CDK18: variants seen among roughly 807,000 people sequenced by gnomAD.
CDK18 encodes cyclin dependent kinase 18.
A neutral mutation model predicts 62.0 loss-of-function variants in CDK18; 52 were observed. The ratio of observed to expected loss-of-function variants is 0.84; its 90% CI spans 0.67 to 1.06. The LOEUF (loss-of-function observed/expected upper bound fraction) is 1.06, where lower values mean the gene tolerates loss of function less well. CDK18 is among the 50% of genes least tolerant of loss of function. CDK18 has a pLI of 0.00. For missense variants in CDK18, 604 were observed against 619.9 expected (o/e 0.97, Z 0.27); for synonymous variants, 237 against 247.0 (o/e 0.96, Z 0.38).
chr1:205,515,232 A>G (rs946286964), intron 1 of CDK18, among the ~76,000 whole-genome samples: 16 of 136,716 alleles, frequency 1.2e-4, no homozygotes, highest in South Asian at 2.3e-4. Flanking sequence ...GCTGGAGTGC[A>G]GTGGCGCCAT....
At chr1:205,522,248 G>T (rs1014123898) in intron 1 of CDK18, among the ~76,000 whole-genome samples, 1 of 152,070 alleles carries the variant, frequency 6.6e-6, no homozygotes, top group Middle Eastern at 3.2e-3. Context: ...AAGCTTTCAT[G>T]GTTGGGGACA....
intron 1 of CDK18, among the ~76,000 whole-genome samples, chr1:205,518,105 C>G (rs1027078349): frequency 2.0e-5 from 3 of 152,192 alleles, no homozygotes; most frequent in African/African-American, 7.2e-5. Flanking sequence ...CTCTGGATTT[C>G]TCCTGAGATG....
intron 1 of CDK18, among the ~76,000 whole-genome samples, chr1:205,521,036 A>G (rs371691794): frequency 3.3e-4 from 50 of 152,266 alleles, no homozygotes; most frequent in African/African-American, 1.2e-3. Context: ...GGGAGTCAGG[A>G]AAGTCCAAGG....
At chr1:205,525,734 G>C (rs916405489) in intron 5 of CDK18, among the ~76,000 whole-genome samples, 18 of 152,354 alleles carry the variant, frequency 1.2e-4, no homozygotes, top group Middle Eastern at 3.4e-3. Flanking sequence ...TTTATAGAGA[G>C]AGGGAACACA....
intron 11 of CDK18, 77 bp downstream of exon 11, chr1:205,529,173 G>A: frequency 3.6e-6 from 5 of 1,403,484 alleles, no homozygotes; most frequent in East Asian, 2.5e-5. Flanking sequence ...GGAGCGGGAC[G>A]GGGAGGAGCG....
chr1:205,507,562 A>G (rs1481841764), intron 1 of CDK18, among the ~76,000 whole-genome samples: 1 of 125,670 alleles, frequency 8.0e-6, no homozygotes. Flanking sequence ...TGAACCCGGG[A>G]GGCGGAGGTT....
chr1:205,523,651 G>C, intron 3 of CDK18, 26 bp downstream of exon 3: 1 of 1,554,512 alleles, frequency 6.4e-7, no homozygotes, highest in South Asian at 1.2e-5. Context: ...GCTCTGCCCC[G>C]GCAGGTGGCA....
In CDK18 at chr1:205,516,084, A is replaced by G. The variant is rs923003493; in HGVS notation, c.-21-7063A>G. ...CACAGCTCCAGGCAGCTAAGGGGTG[A>G]CTGGCTTCCCCTGAGGTTTGTCCCA... On this transcript the variant is annotated intron_variant, in intron 1 of 15. Transcript: ENST00000429964. The surrounding 1 kb of genome is among the most constrained non-coding windows in gnomAD (Gnocchi z 4.8). 2.0e-5 allele frequency among the ~76,000 whole-genome samples: 3 copies of G among 152,156 alleles called. No homozygotes were observed. The highest frequency in any genetic ancestry group is 7.2e-5 in the African/African-American group (3 of 41,442).
At chr1:205,526,301 C>T (rs1296765414) in intron 6 of CDK18, 66 bp from the exon 7 acceptor site, 1 of 1,496,358 alleles carries the variant, frequency 6.7e-7, no homozygotes, top group East Asian at 2.3e-5. Flanking sequence ...TGGCGCTGAC[C>T]CCAAGAAAAG....
At chr1:205,505,995 T>G (rs1667287766) in intron 1 of CDK18, among the ~76,000 whole-genome samples, 1 of 152,166 alleles carries the variant, frequency 6.6e-6, no homozygotes, top group Non-Finnish European at 1.5e-5. Flanking sequence ...CAGCACCCAG[T>G]GAGCTTCGGC....
Position 205,526,805 on chromosome 1 carries a change from T to C in CDK18, c.697T>C (p.Cys233Arg). The C allele has an allele frequency of 6.2e-7, 1 of 1,614,140 alleles. No individual in the cohort carries two copies. The highest frequency in any genetic ancestry group is 8.5e-7 in the Non-Finnish European group (1 of 1,179,974). The change falls in exon 8 of 16, where the codon TGT (cysteine) becomes CGT (arginine). Residue 233 changes from cysteine (C) to arginine (R), a missense_variant. Cys to Arg is a radical substitution (Grantham distance 180, BLOSUM62 -3). Transcript: ENST00000429964. The stretch of plus-strand genomic sequence containing the variant: ...TGACCTGAAGCAGTATCTGGACCAC[T>C]GTGGGAACCTCATGAGCATGCACAA... The part of the protein sequence containing the change: ...DSDLKQYLDH[C>R]GNLMSMHNVK...
chr1:205,529,913 G>A lies in CDK18; in HGVS notation c.1222-346G>A, dbSNP rs1668652658. 3 of 1,385,666 alleles carry A rather than the reference G, an allele frequency of 2.2e-6. No individual in the cohort carries two copies. The Admixed American group carries it at 8.9e-5, about 41-fold the overall frequency. The allele number at this position is 1,385,666 out of a possible 1,614,324, so 85.8% of individuals were successfully genotyped here. Reference sequence around the variant, plus strand: ...ACACACTTAGTGTGGTGCCTGTCTTGTAAGGCACACGATGAAGGGTTGTTA... The same window carrying A: ...ACACACTTAGTGTGGTGCCTGTCTTATAAGGCACACGATGAAGGGTTGTTA... On this transcript the variant is annotated intron_variant, in intron 13 of 15. Transcript: ENST00000429964.
chr1:205,523,611 C>G lies in CDK18; in HGVS notation c.259C>G (p.Arg87Gly). ...GTTCCAGCGGCGGCAGAACCAGCGC[C>G]GCTTCTCCATGGAGGTAAGGGCCTC... ...VQFQRRQNQR[R>G]FSMEDVSKRL... The change falls in exon 3 of 16, where the codon CGC (arginine) becomes GGC (glycine). Residue 87 changes from arginine (R) to glycine (G), a missense_variant. By Grantham distance (125) the Arg-to-Gly change is moderately radical. Coordinates refer to ENST00000429964, the MANE Select transcript of CDK18 (RefSeq NM_212502.3). 1.3e-6 allele frequency: 2 copies of G among 1,572,972 alleles called. No individual in the cohort carries two copies. The highest frequency in any genetic ancestry group is 1.2e-5 in the South Asian group (1 of 85,696).
At chr1:205,511,828 C>T (rs565813933) in intron 1 of CDK18, among the ~76,000 whole-genome samples, 3 of 152,104 alleles carry the variant, frequency 2.0e-5, no homozygotes, top group South Asian at 2.1e-4. Flanking sequence ...CCGAGGCGGG[C>T]GGATTACCTG....
At chr1:205,530,830 A>AGAGAAGGG (rs1668702748) in intron 15 of CDK18, 125 bp downstream of exon 15, 1 of 757,224 alleles carries the variant, frequency 1.3e-6, no homozygotes, top group East Asian at 2.7e-5. Context: ...TTTGGGGAGC[A>AGAGAAGGG]GAGAAGGGGT....
At position 205,530,347 on chromosome 1, in the gene CDK18, A is replaced by G. The variant is rs1575081636; in HGVS notation, c.1310A>G (p.Asp437Gly). The change falls in exon 14 of 16, where the codon GAC becomes GGC. Residue 437 changes from aspartate (D) to glycine (G), a missense_variant and splice_region_variant. Transcript: ENST00000429964. ...SLGERVHQLE[D>G]TASIFSLKEI... ...GGAGAGCGTGTGCACCAGCTTGAAG[A>G]CAGTGAGTACTGGGGGTCCGGGAGC... The G allele has an allele frequency of 1.2e-6, 2 of 1,612,358 alleles. No homozygotes were observed. Among genetic ancestry groups the G allele is most frequent in the Non-Finnish European group, 1.7e-6 (2 of 1,179,882 alleles).
Position 205,524,451 on chromosome 1 carries a change from C to T in CDK18, c.399+94C>T, listed in dbSNP as rs183233141. On this transcript the variant is annotated intron_variant, in intron 4 of 15. Coordinates refer to ENST00000429964, the MANE Select transcript of CDK18 (RefSeq NM_212502.3). The stretch of plus-strand genomic sequence containing the variant: ...CCCAGCTGAGGCCTAGATGGGATTT[C>T]GAGGAAGATTCCTGGGCCTCTGGTG... 1.3e-4 allele frequency: 195 copies of T among 1,458,748 alleles called. 1 individual carries two copies. The African/African-American group carries it at 2.2e-3, about 17-fold the overall frequency. The allele number at this position is 1,458,748 out of a possible 1,614,324, so 90.4% of individuals were successfully genotyped here.
rs1288021768 is a variant in CDK18, at chr1:205,531,579, A to G, written c.*201A>G. ...CCTCCCCAGTAGCCCTCACCTGCATACCAACCCCTCCTTTACCCACGTTGG... is the reference window on the plus strand; with the variant it reads ...CCTCCCCAGTAGCCCTCACCTGCATGCCAACCCCTCCTTTACCCACGTTGG... On this transcript the variant is annotated 3_prime_UTR_variant, in exon 16 of 16. Coordinates refer to ENST00000429964, the MANE Select transcript of CDK18 (RefSeq NM_212502.3). 3.3e-6 allele frequency: 2 copies of G among 599,624 alleles called. No homozygotes were observed. 37.1% of individuals were successfully genotyped at this position (599,624 alleles called of 1,614,324 possible). A position where few individuals can be genotyped will look rare whatever the true frequency, so the allele number is the denominator to read the frequency against.
intron 1 of CDK18, among the ~76,000 whole-genome samples, chr1:205,506,772 G>C (rs1158237102): frequency 6.6e-6 from 1 of 152,216 alleles, no homozygotes; most frequent in Non-Finnish European, 1.5e-5. Flanking sequence ...AAGAATGGGG[G>C]TGATGCTCCA....
Sources: allele counts gnomAD v4.1 joint callset (sites outside exome capture counted in the v4.1 genomes callset), GRCh38; gene constraint gnomAD v4.1.1; non-coding constraint Gnocchi (gnomAD v3.1); transcripts MANE v1.5; gene names NCBI Gene and HGNC (gene_info 2026-07-23, HGNC 2026-07-21).